HHIPL1: variants seen among roughly 807,000 people sequenced by gnomAD.
HHIPL1 encodes HHIP-like protein 1.
Under a neutral mutation model 61.8 loss-of-function variants are expected in HHIPL1, and 43 were observed. That is an observed-to-expected ratio of 0.70 (90% confidence interval 0.55 to 0.90). The LOEUF is 0.90. Among genes scored for constraint, HHIPL1 ranks in the 40% least tolerant of loss-of-function variants. HHIPL1 has a pLI of 0.00. For synonymous variants in HHIPL1, 482 were observed against 515.8 expected (o/e 0.93, Z 0.89); for missense variants, 1,056 against 1,157.7 (o/e 0.91, Z 1.28).
rs2056294868 is a variant in HHIPL1 at position 99,668,992 on chromosome 14, C to G, written c.1730+689C>G. 1 of 1,560,932 alleles carries G rather than the reference C, an allele frequency of 6.4e-7. No homozygotes were observed. Among genetic ancestry groups the G allele is most frequent in the Non-Finnish European group, 8.7e-7 (1 of 1,153,846 alleles). On this transcript the variant is annotated intron_variant, in intron 7 of 8. Coordinates refer to ENST00000330710, the MANE Select transcript of HHIPL1 (RefSeq NM_001127258.3). This position sits in a 1 kb window ranked among gnomAD's most constrained non-coding sequence, Gnocchi z 4.7. ...CAGGGTGGGGCCCAGGCCACTGGCT[C>G]CAGAGCCCTGCCCTAACCCCTTGGC...
upstream of HHIPL1, among the ~76,000 whole-genome samples, chr14:99,644,325 G>T (rs927718284): frequency 6.6e-6 from 1 of 152,190 alleles, no homozygotes; most frequent in Non-Finnish European, 1.5e-5. Context: ...GTCCACTTGA[G>T]AAAAATGCCT....
At chr14:99,643,686 C>T (rs1196389412), upstream of HHIPL1, among the ~76,000 whole-genome samples, 1 of 152,342 alleles carries the variant, frequency 6.6e-6, no homozygotes, top group East Asian at 1.9e-4. Flanking sequence ...TGCAGGAAGC[C>T]GTTGCAGGCC....
intron 8 of HHIPL1, among the ~76,000 whole-genome samples, chr14:99,673,464 G>A (rs531976913): frequency 2.3e-4 from 33 of 144,772 alleles, no homozygotes; most frequent in African/African-American, 3.4e-4. Context: ...GCCAGGTACC[G>A]TGAGGACCCA....
At chr14:99,640,105 G>C in the HHIPL1 span, among the ~76,000 whole-genome samples, 1 of 152,012 alleles carries the variant, frequency 6.6e-6, no homozygotes, top group Non-Finnish European at 1.5e-5. Context: ...CTTGTTCTTT[G>C]GTCCTGCCTC....
intron 6 of HHIPL1, among the ~76,000 whole-genome samples, chr14:99,663,950 A>G (rs2056198035): frequency 6.6e-6 from 1 of 152,164 alleles, no homozygotes; most frequent in Admixed American, 6.5e-5. Context: ...TGGCAAATGG[A>G]TTTGGGCCAT....
At chr14:99,632,443 G>A in the HHIPL1 span, among the ~76,000 whole-genome samples, 1 of 152,152 alleles carries the variant, frequency 6.6e-6, no homozygotes, top group Non-Finnish European at 1.5e-5. Context: ...GGGCAGGGCT[G>A]CTTCCTCCTC....
chr14:99,633,319 C>A, the HHIPL1 span, among the ~76,000 whole-genome samples: 1 of 152,238 alleles, frequency 6.6e-6, no homozygotes, highest in Non-Finnish European at 1.5e-5. Flanking sequence ...GTTTCAGCTG[C>A]AGCCTCGGGG....
At chr14:99,619,173 C>A in the HHIPL1 span, among the ~76,000 whole-genome samples, 82 of 152,184 alleles carry the variant, frequency 5.4e-4, no homozygotes, top group African/African-American at 2.0e-3. Context: ...TAGAGTTGGC[C>A]GGGCACGGTG....
In HHIPL1 at chr14:99,649,711, G is replaced by A. The variant is rs115062699; in HGVS notation, c.256-2513G>A. Among the ~76,000 whole-genome samples, 324 of 152,268 alleles carry A rather than the reference G, an allele frequency of 2.1e-3. 1 individual carries two copies. The highest frequency in any genetic ancestry group is 7.2e-3 in the African/African-American group (300 of 41,556). ...TCTGGAGGCTGAGGTGGGGAGGATC[G>A]TTAGAGCCCAGGAGGTCAAGGCTAC... On this transcript the variant is annotated intron_variant, in intron 1 of 8. Coordinates refer to ENST00000330710, the MANE Select transcript of HHIPL1 (RefSeq NM_001127258.3).
At chr14:99,607,021 C>CTTTTTTTT in the HHIPL1 span, among the ~76,000 whole-genome samples, 424 of 68,422 alleles carry the variant, frequency 6.2e-3, 67 homozygotes, top group South Asian at 9.2e-3. Context: ...GTGACTTTGC[C>CTTTTTTTT]TTTTTTTTTT....
At chr14:99,672,237 C>T in intron 7 of HHIPL1, 80 bp from the exon 8 acceptor site, 1 of 1,090,876 alleles carries the variant, frequency 9.2e-7, no homozygotes, top group Non-Finnish European at 1.4e-6. Context: ...GCTGTTCATA[C>T]CTGCCTCACT....
At chr14:99,669,334 C>T (rs973251549) in intron 7 of HHIPL1, 8 of 1,014,404 alleles carry the variant, frequency 7.9e-6, no homozygotes, top group Admixed American at 5.1e-5. Context: ...GCAGTCTGAA[C>T]GTCTCTTCAA....
the HHIPL1 span, among the ~76,000 whole-genome samples, chr14:99,617,088 A>G: frequency 6.6e-6 from 1 of 152,162 alleles, no homozygotes; most frequent in African/African-American, 2.4e-5. Context: ...TAGATTACAG[A>G]CTGTCAGAGC....
intron 5 of HHIPL1, among the ~76,000 whole-genome samples, chr14:99,662,173 C>T (rs2056162792): frequency 6.6e-6 from 1 of 152,038 alleles, no homozygotes; most frequent in Admixed American, 6.6e-5. Context: ...CCCTCGTACC[C>T]GAGCCAGGGA....
chr14:99,657,201 A>C, intron 3 of HHIPL1, 58 bp downstream of exon 3: 1 of 1,568,530 alleles, frequency 6.4e-7, no homozygotes, highest in South Asian at 1.1e-5. Context: ...GGCTTCTCAT[A>C]CTCTTCCAGA....
At chr14:99,672,996 G>A (rs1380276387) in intron 8 of HHIPL1, among the ~76,000 whole-genome samples, 1 of 152,194 alleles carries the variant, frequency 6.6e-6, no homozygotes, top group African/African-American at 2.4e-5. Flanking sequence ...TACAGCACAC[G>A]GCGAGACACT....
chr14:99,650,742 G>A (rs2055915962), intron 1 of HHIPL1, among the ~76,000 whole-genome samples: 1 of 152,224 alleles, frequency 6.6e-6, no homozygotes, highest in African/African-American at 2.4e-5. Flanking sequence ...CTGCCCTGGT[G>A]CCTGGTCCAC....
At chr14:99,630,978 C>G in the HHIPL1 span, among the ~76,000 whole-genome samples, 1 of 152,148 alleles carries the variant, frequency 6.6e-6, no homozygotes, top group Non-Finnish European at 1.5e-5. Flanking sequence ...CTGATAAGAC[C>G]CCAAATCCTA....
At chr14:99,629,296 G>A in the HHIPL1 span, among the ~76,000 whole-genome samples, 1 of 152,064 alleles carries the variant, frequency 6.6e-6, no homozygotes, top group Non-Finnish European at 1.5e-5. Context: ...AAATAAACAA[G>A]AGGCAGAACA....
Sources: gnomAD v4.1 joint callset for allele counts (sites outside exome capture counted in the v4.1 genomes callset) on GRCh38, gnomAD v4.1.1 for gene constraint, Gnocchi (gnomAD v3.1) non-coding constraint, MANE v1.5 for transcripts, NCBI Gene and HGNC (gene_info 2026-07-23, HGNC 2026-07-21) for gene names.